FTO: variants seen among roughly 807,000 people sequenced by gnomAD.
FTO encodes FTO alpha-ketoglutarate dependent dioxygenase.
In FTO, 47 loss-of-function variants were observed where a neutral mutation model predicts 63.9. The ratio of observed to expected loss-of-function variants is 0.74; its 90% CI spans 0.58 to 0.94. The LOEUF is 0.94. Among genes scored for constraint, FTO ranks in the 40% least tolerant of loss-of-function variants. FTO has a pLI of 0.00. For missense variants in FTO, 562 were observed against 618.1 expected (o/e 0.91, Z 0.96); for synonymous variants, 207 against 224.4 (o/e 0.92, Z 0.69).
chr16:53,834,598 A>G (rs2151796947), intron 3 of FTO, among the ~76,000 whole-genome samples: 1 of 152,344 alleles, frequency 6.6e-6, no homozygotes, highest in East Asian at 1.9e-4. Flanking sequence ...AGCAGTAATT[A>G]GCACATAGTA....
intron 1 of FTO, among the ~76,000 whole-genome samples, chr16:53,730,340 G>A (rs556512533): frequency 1.3e-5 from 2 of 152,038 alleles, no homozygotes; most frequent in Non-Finnish European, 2.9e-5. Context: ...AATCCAACAT[G>A]TGATGTATCT....
At chr16:53,934,790 C>T (rs995848456) in intron 8 of FTO, among the ~76,000 whole-genome samples, 5 of 152,068 alleles carry the variant, frequency 3.3e-5, no homozygotes, top group Admixed American at 6.5e-5. Flanking sequence ...TCTTATGGGA[C>T]GGGACCACTG....
intron 3 of FTO, among the ~76,000 whole-genome samples, chr16:53,829,919 G>A (rs2079100627): frequency 6.6e-6 from 1 of 151,588 alleles, no homozygotes; most frequent in African/African-American, 2.4e-5. Context: ...GATAAGAGCA[G>A]GGATTTAAGT....
intron 7 of FTO, among the ~76,000 whole-genome samples, chr16:53,900,479 C>T (rs2151924973): frequency 6.6e-6 from 1 of 152,188 alleles, no homozygotes; most frequent in Admixed American, 6.5e-5. Context: ...TATTATTCCA[C>T]ACTACTGAGA....
At chr16:53,760,493 G>A (rs1254277784) in intron 1 of FTO, among the ~76,000 whole-genome samples, 1 of 151,832 alleles carries the variant, frequency 6.6e-6, no homozygotes. Flanking sequence ...CCGTCTGCCC[G>A]CACTGGCCTC....
chr16:53,859,462 TATATC>T lies in FTO; in HGVS notation c.896-14317_896-14313del, dbSNP rs1429460093. Among the ~76,000 whole-genome samples, 7 of 150,414 alleles carry T rather than the reference TATATC, an allele frequency of 4.7e-5. 1 individual carries two copies. The highest frequency in any genetic ancestry group is 1.7e-4 in the African/African-American group (7 of 41,204). On this transcript the variant is annotated intron_variant, in intron 4 of 8. Coordinates refer to ENST00000471389, the MANE Select transcript of FTO (RefSeq NM_001080432.3). ...TGTAGTATAAAAATATATATCACTATATATCATATCAATGATATATATATTTCATT... is the reference window on the plus strand; with the variant it reads ...TGTAGTATAAAAATATATATCACTATATATCAATGATATATATATTTCATT...
At chr16:53,950,043 G>T (rs7202103) in intron 8 of FTO, among the ~76,000 whole-genome samples, 5,832 of 144,514 alleles carry the variant, frequency 0.04, 363 homozygotes, top group African/African-American at 0.14. Flanking sequence ...TTCTTTTTTT[G>T]GGGGGGGAAA....
chr16:54,057,785 G>A (rs1235411853), intron 8 of FTO, among the ~76,000 whole-genome samples: 2 of 152,162 alleles, frequency 1.3e-5, no homozygotes, highest in Non-Finnish European at 2.9e-5. Flanking sequence ...TGTGGCTTGA[G>A]TCTGAACATG....
intron 7 of FTO, among the ~76,000 whole-genome samples, chr16:53,908,262 T>C (rs943424971): frequency 6.6e-6 from 1 of 152,208 alleles, no homozygotes; most frequent in Non-Finnish European, 1.5e-5. Context: ...AAGTCTAAAA[T>C]GTCCAACCAT....
At chr16:53,813,129 A>G (rs1165917483) in intron 2 of FTO, among the ~76,000 whole-genome samples, 1 of 152,166 alleles carries the variant, frequency 6.6e-6, no homozygotes, top group Admixed American at 6.5e-5. Flanking sequence ...ACAACTATCA[A>G]GACTTCTCTG....
chr16:53,829,238 C>G (rs1372537776), intron 3 of FTO, among the ~76,000 whole-genome samples: 1 of 152,210 alleles, frequency 6.6e-6, no homozygotes, highest in East Asian at 1.9e-4. Context: ...GTTAAGGGGA[C>G]ATTCCACTTG....
At chr16:53,721,975 T>C (rs2076051596) in intron 1 of FTO, among the ~76,000 whole-genome samples, 1 of 152,170 alleles carries the variant, frequency 6.6e-6, no homozygotes, top group Non-Finnish European at 1.5e-5. Context: ...TCTGCTTGGT[T>C]GTTTATAAGC....
chr16:53,757,352 T>G (rs1375982928), intron 1 of FTO, among the ~76,000 whole-genome samples: 1 of 152,134 alleles, frequency 6.6e-6, no homozygotes, highest in Non-Finnish European at 1.5e-5. Flanking sequence ...CTGATCATTT[T>G]GTGTTTTAAC....
intron 1 of FTO, among the ~76,000 whole-genome samples, chr16:53,788,342 C>A (rs1567986760): frequency 6.6e-6 from 1 of 152,056 alleles, no homozygotes; most frequent in Non-Finnish European, 1.5e-5. Context: ...GTGGCTCATG[C>A]CTGTAATCCC....
intron 8 of FTO, among the ~76,000 whole-genome samples, chr16:54,104,376 G>A (rs909125457): frequency 4.7e-5 from 7 of 148,606 alleles, no homozygotes; most frequent in Non-Finnish European, 7.4e-5. Context: ...GCAGCGGTTC[G>A]ATCTCGGCTC....
intron 8 of FTO, among the ~76,000 whole-genome samples, chr16:54,021,612 C>T (rs1026445980): frequency 3.9e-5 from 6 of 152,172 alleles, no homozygotes; most frequent in Admixed American, 6.5e-5. Context: ...GCCTCAGCCT[C>T]CTGAGTAGCT....
chr16:54,037,946 A>G (rs2084980734), intron 8 of FTO, among the ~76,000 whole-genome samples: 1 of 152,226 alleles, frequency 6.6e-6, no homozygotes, highest in Non-Finnish European at 1.5e-5. Context: ...TTTAGAAAAC[A>G]TATTTAATAC....
intron 8 of FTO, among the ~76,000 whole-genome samples, chr16:54,054,936 C>G (rs1333987367): frequency 6.6e-6 from 1 of 152,162 alleles, no homozygotes; most frequent in East Asian, 1.9e-4. Context: ...GATACAAGAG[C>G]TCATTCTCTT....
chr16:53,948,186 G>A (rs950115177), intron 8 of FTO, among the ~76,000 whole-genome samples: 2 of 152,128 alleles, frequency 1.3e-5, no homozygotes, highest in Admixed American at 6.5e-5. Flanking sequence ...ATTACACTGC[G>A]GCTGTATAAG....
Sources: allele counts gnomAD v4.1 joint callset (sites outside exome capture counted in the v4.1 genomes callset), GRCh38; gene constraint gnomAD v4.1.1; transcripts MANE v1.5; gene names NCBI Gene and HGNC (gene_info 2026-07-23, HGNC 2026-07-21).